The following SYT7 variants were observed in gnomAD, a reference collection of about 807,000 sequenced individuals.
The protein encoded by SYT7 is synaptotagmin 7.
SYT7 carries 29 observed loss-of-function variants against 75.1 expected under a neutral mutation model. The observed-to-expected ratio is 0.39, with a 90% confidence interval of 0.29 to 0.53. The LOEUF is 0.53. Ranked by LOEUF, SYT7 falls within the 20% of genes least tolerant of loss-of-function variation. SYT7 has a pLI of 0.77. For missense variants in SYT7, 693 were observed against 953.2 expected, an observed-to-expected ratio of 0.73 and a Z score of 3.59; for synonymous variants, 376 against 401.7, an observed-to-expected ratio of 0.94 and a Z score of 0.76.
chr11:61,534,407 ACG>A (rs1212883699), intron 7 of SYT7, among the ~76,000 whole-genome samples: 38 of 148,696 alleles, frequency 2.6e-4, no homozygotes, highest in Admixed American at 8.6e-4. Context: ...ACATGTACAC[ACG>A]CACGCACACA....
intron 3 of SYT7, among the ~76,000 whole-genome samples, chr11:61,549,816 C>T (rs1176655065): frequency 1.3e-5 from 2 of 152,228 alleles, no homozygotes; most frequent in Admixed American, 1.3e-4. Context: ...CTCATGGGCA[C>T]TGGTCCCAGC....
At chr11:61,530,889 A>T (rs2062684518) in intron 8 of SYT7, 1 of 985,302 alleles carries the variant, frequency 1.0e-6, no homozygotes, top group Non-Finnish European at 1.2e-6. Flanking sequence ...ACCCCATCAC[A>T]GTCAGGGAAG....
chr11:61,573,667 C>T (rs577386777), intron 1 of SYT7, among the ~76,000 whole-genome samples: 1 of 152,356 alleles, frequency 6.6e-6, no homozygotes, highest in South Asian at 2.1e-4. Context: ...TCCCAAGCCT[C>T]ACTTCCTGCT....
intron 1 of SYT7, among the ~76,000 whole-genome samples, chr11:61,562,036 G>GCACACACATATGCACA: frequency 6.7e-6 from 1 of 150,100 alleles, no homozygotes; most frequent in South Asian, 2.1e-4. Context: ...ACACATGCAT[G>GCACACACATATGCACA]CACACACATA....
In SYT7 at chr11:61,546,294, C is replaced by A; in HGVS notation, c.348-39G>T. ...CGAGGCAGCCAGGCCAGAGGGGCAC[C>A]GGGGGTGGCGGTGGGGGAGAGAGGG... On this transcript the variant is annotated intron_variant, in intron 4 of 12. Coordinates refer to ENST00000539008, the MANE Select transcript of SYT7 (RefSeq NM_001365809.2). The surrounding 1 kb of genome is among the most constrained non-coding windows in gnomAD (Gnocchi z 7.6). 1 of 1,364,484 alleles carries A rather than the reference C, an allele frequency of 7.3e-7. No homozygotes were observed. Among genetic ancestry groups the A allele is most frequent in the Non-Finnish European group, 9.5e-7 (1 of 1,051,814 alleles). The allele number at this position is 1,364,484 out of a possible 1,614,324, so 84.5% of individuals were successfully genotyped here.
rs750255604 is a variant in SYT7, at chr11:61,524,352, T to C, written c.1641+11A>G. 6 of 1,613,710 alleles carry C rather than the reference T, an allele frequency of 3.7e-6. No homozygotes were observed. Among genetic ancestry groups the C allele is most frequent in the Non-Finnish European group, 5.1e-6 (6 of 1,179,782 alleles). On this transcript the variant is annotated intron_variant, in intron 10 of 12. Coordinates refer to ENST00000539008, the MANE Select transcript of SYT7 (RefSeq NM_001365809.2). The surrounding 1 kb of genome is among the most constrained non-coding windows in gnomAD (Gnocchi z 4.1). ...TGCCTGTCCAGCTAAGACCCACCCATGGGGCCTTACACTCCCATCGCTGCA... is the reference window on the plus strand; with the variant it reads ...TGCCTGTCCAGCTAAGACCCACCCACGGGGCCTTACACTCCCATCGCTGCA...
At chr11:61,572,124 G>C (rs571252409) in intron 1 of SYT7, among the ~76,000 whole-genome samples, 29 of 152,162 alleles carry the variant, frequency 1.9e-4, no homozygotes, top group Admixed American at 1.7e-3. Context: ...GTTGGGGGGG[G>C]GGCACACAGA....
At chr11:61,583,158 T>G (rs976779193), upstream of SYT7, among the ~76,000 whole-genome samples, 3 of 152,008 alleles carry the variant, frequency 2.0e-5, no homozygotes, top group African/African-American at 7.3e-5. Context: ...ACCCAGTAGT[T>G]TGAGGCTGCA....
At chr11:61,572,724 C>T (rs1317834452) in intron 1 of SYT7, among the ~76,000 whole-genome samples, 1 of 152,186 alleles carries the variant, frequency 6.6e-6, no homozygotes, top group Non-Finnish European at 1.5e-5. Context: ...TTTCTCCTAG[C>T]TGCCCCTTCT....
chr11:61,539,326 G>A (rs1302496605), intron 6 of SYT7, among the ~76,000 whole-genome samples: 1 of 152,188 alleles, frequency 6.6e-6, no homozygotes, highest in African/African-American at 2.4e-5. Context: ...CATTCTCAGA[G>A]AACCATCGGG....
upstream of SYT7, among the ~76,000 whole-genome samples, chr11:61,585,565 A>G (rs1408263099): frequency 2.0e-5 from 3 of 152,192 alleles, no homozygotes; most frequent in Non-Finnish European, 4.4e-5. Context: ...TGGAGAAGAT[A>G]AAAGTATAAA....
intron 7 of SYT7, among the ~76,000 whole-genome samples, chr11:61,535,721 C>T (rs968246988): frequency 3.3e-5 from 5 of 152,160 alleles, no homozygotes; most frequent in East Asian, 1.9e-4. Context: ...CTCCTCCTCC[C>T]GGGACGCTGT....
Position 61,546,823 on chromosome 11 carries a change from C to T in SYT7, c.347+354G>A, listed in dbSNP as rs1028263364. Among the ~76,000 whole-genome samples, 23 of 152,068 alleles carry T rather than the reference C, an allele frequency of 1.5e-4. No homozygotes were observed. The highest frequency in any genetic ancestry group is 6.5e-5 in the Admixed American group (1 of 15,276). On this transcript the variant is annotated intron_variant, in intron 4 of 12. Coordinates refer to ENST00000539008, the MANE Select transcript of SYT7 (RefSeq NM_001365809.2). The surrounding 1 kb of genome is among the most constrained non-coding windows in gnomAD (Gnocchi z 7.6). The stretch of plus-strand genomic sequence containing the variant: ...GCAGCACACAGCGGGGAGGAAGAAG[C>T]GACCACAACCGAGGGGGCGGGACCC...
chr11:61,582,293 G>A (rs565936125), upstream of SYT7, among the ~76,000 whole-genome samples: 3 of 152,182 alleles, frequency 2.0e-5, no homozygotes, highest in Non-Finnish European at 4.4e-5. Flanking sequence ...GCAGTTTGCA[G>A]GTGAGCCAGG....
rs2063207811 is a variant in SYT7, at chr11:61,546,904, T to G, written c.347+273A>C. Among the ~76,000 whole-genome samples the G allele has an allele frequency of 6.6e-6, 1 of 150,896 alleles. No individual in the cohort carries two copies. The highest frequency in any genetic ancestry group is 2.0e-4 in the East Asian group (1 of 5,048). On this transcript the variant is annotated intron_variant, in intron 4 of 12. Coordinates refer to ENST00000539008, the MANE Select transcript of SYT7 (RefSeq NM_001365809.2). This position sits in a 1 kb window ranked among gnomAD's most constrained non-coding sequence, Gnocchi z 7.6. Reference sequence around the variant, plus strand: ...AGGTGGGGTGGGCCCCGGGACCAGCTGGGGGGGCCAGGTATGGCTGCCGAG... The same window carrying G: ...AGGTGGGGTGGGCCCCGGGACCAGCGGGGGGGGCCAGGTATGGCTGCCGAG...
Position 61,580,901 on chromosome 11 carries a change from G to C in SYT7, c.-81C>G. The C allele has an allele frequency of 1.8e-6, 2 of 1,103,264 alleles. No homozygotes were observed. Among genetic ancestry groups the C allele is most frequent in the Middle Eastern group, 3.9e-4 (1 of 2,570 alleles). 68.3% of individuals were successfully genotyped at this position (1,103,264 alleles called of 1,614,324 possible). On this transcript the variant is annotated 5_prime_UTR_variant, in exon 1 of 13. Transcript: ENST00000539008. The surrounding 1 kb of genome is among the most constrained non-coding windows in gnomAD (Gnocchi z 6.1). ...CTGCTCCGCCGCCGCCGCTGGGCAT[G>C]GGGCCGGGCGACCCCCGGGGGCGGG...
Position 61,518,842 on chromosome 11 carries a change from C to T in SYT7, c.1957-111G>A, listed in dbSNP as rs1402081490. On this transcript the variant is annotated intron_variant, in intron 12 of 12. Coordinates refer to ENST00000539008, the MANE Select transcript of SYT7 (RefSeq NM_001365809.2). ...CATGATACCCTAGCCTGTGGCCCCC[C>T]AGCCTCCACATGCTGTGACAACCTA... The T allele has an allele frequency of 1.8e-5, 12 of 663,346 alleles. No homozygotes were observed. In the East Asian group the frequency reaches 4.0e-4, roughly 22 times the overall value. The allele number at this position is 663,346 out of a possible 1,614,324, so 41.1% of individuals were successfully genotyped here.
chr11:61,580,939 G>A lies in SYT7; in HGVS notation c.-119C>T. ...CCCCGGGGGCGGGTCCGAGGGCGGG[G>A]GCCGAGCGGGCTGCACCTAGCCGCG... is the stretch of plus-strand genomic sequence containing the variant. On this transcript the variant is annotated 5_prime_UTR_variant, in exon 1 of 13. Transcript: ENST00000539008. This position sits in a 1 kb window ranked among gnomAD's most constrained non-coding sequence, Gnocchi z 6.1. 9.9e-7 allele frequency: 1 copy of A among 1,010,000 alleles called. No individual in the cohort carries two copies. Among genetic ancestry groups the A allele is most frequent in the Non-Finnish European group, 1.2e-6 (1 of 846,914 alleles). 62.6% of individuals were successfully genotyped at this position (1,010,000 alleles called of 1,614,324 possible).
chr11:61,538,346 G>GGGGAGA (rs1412784519), intron 6 of SYT7, 80 bp from the exon 7 acceptor site: 86 of 203,294 alleles, frequency 4.2e-4, no homozygotes, highest in South Asian at 9.4e-4. Flanking sequence ...GGAGAGAGAG[G>GGGGAGA]GAGAGAGAGA....
Sources: gnomAD v4.1 joint callset for allele counts (sites outside exome capture counted in the v4.1 genomes callset) on GRCh38, gnomAD v4.1.1 for gene constraint, Gnocchi (gnomAD v3.1) non-coding constraint, MANE v1.5 for transcripts, NCBI Gene and HGNC (gene_info 2026-07-23, HGNC 2026-07-21) for gene names.